The following ARHGAP26 variants were observed in gnomAD, a reference collection of about 807,000 sequenced individuals.
ARHGAP26 encodes the protein Rho GTPase activating protein 26.
A neutral mutation model predicts 104.8 loss-of-function variants in ARHGAP26; 38 were observed. The ratio of observed to expected loss-of-function variants is 0.36; its 90% confidence interval spans 0.28 to 0.48. The LOEUF is 0.48. ARHGAP26 is among the 20% of genes least tolerant of loss of function. The pLI, the probability that ARHGAP26 is intolerant of heterozygous loss-of-function variation, is 0.99. For missense variants in ARHGAP26, 704 were observed against 947.9 expected, an observed-to-expected ratio of 0.74 and a Z score of 3.38; for synonymous variants, 341 against 340.0, an observed-to-expected ratio of 1.00 and a Z score of -0.03.
rs1159971699 is a variant in ARHGAP26, at chr5:143,214,234, T to C, written c.2191+146T>C. ...AAAGTGTGTGTGCGTCTGTGTGTGT[T>C]GGTTTCTGTGTCTTTTCCCAAAATA... is the stretch of plus-strand genomic sequence containing the variant. On this transcript the variant is annotated intron_variant, in intron 22 of 22. Transcript: ENST00000645722. The C allele has an allele frequency of 1.4e-5, 8 of 568,470 alleles. No individual in the cohort carries two copies. The East Asian group carries it at 1.7e-4, about 12-fold the overall frequency. The allele number at this position is 568,470 out of a possible 1,614,324, so 35.2% of individuals were successfully genotyped here. A position where few individuals can be genotyped will look rare whatever the true frequency, so the allele number is the denominator to read the frequency against.
chr5:142,795,985 A>G (rs1231668970), intron 1 of ARHGAP26, among the ~76,000 whole-genome samples: 2 of 151,566 alleles, frequency 1.3e-5, no homozygotes, highest in Non-Finnish European at 2.9e-5. Flanking sequence ...TCTCTGCTCT[A>G]CTTTTTTCTA....
chr5:142,782,954 G>A (rs1757814819), intron 1 of ARHGAP26, among the ~76,000 whole-genome samples: 1 of 152,154 alleles, frequency 6.6e-6, no homozygotes, highest in South Asian at 2.1e-4. Flanking sequence ...AGGAAATGCT[G>A]ATGCATGAGC....
chr5:142,873,294 C>A, intron 1 of ARHGAP26, 106 bp from the exon 2 acceptor site: 1 of 749,150 alleles, frequency 1.3e-6, no homozygotes, highest in East Asian at 2.8e-5. Context: ...GACTCAGGAA[C>A]AAATCCGCCT....
chr5:142,867,240 C>T (rs532844986), intron 1 of ARHGAP26, among the ~76,000 whole-genome samples: 4 of 150,902 alleles, frequency 2.7e-5, no homozygotes, highest in East Asian at 3.9e-4. Flanking sequence ...GTCACGGAAA[C>T]GAGAAAAATG....
chr5:143,088,204 T>G (rs769556964), intron 17 of ARHGAP26, among the ~76,000 whole-genome samples: 3 of 152,230 alleles, frequency 2.0e-5, no homozygotes, highest in Non-Finnish European at 4.4e-5. Context: ...CAATTGCATA[T>G]TTCCTTTTAC....
chr5:142,853,642 C>A (rs994056876), intron 1 of ARHGAP26, among the ~76,000 whole-genome samples: 2 of 152,152 alleles, frequency 1.3e-5, no homozygotes, highest in African/African-American at 4.8e-5. Context: ...TGAATAATAT[C>A]TTTGAAAGCA....
intron 1 of ARHGAP26, among the ~76,000 whole-genome samples, chr5:142,789,748 C>A (rs993766823): frequency 6.6e-6 from 1 of 152,164 alleles, no homozygotes; most frequent in East Asian, 1.9e-4. Context: ...TTAGCAGACT[C>A]GAACACTTGG....
intron 17 of ARHGAP26, among the ~76,000 whole-genome samples, chr5:143,075,059 T>G (rs1788793378): frequency 6.6e-6 from 1 of 152,192 alleles, no homozygotes; most frequent in African/African-American, 2.4e-5. Flanking sequence ...CATTAGATAA[T>G]GGATAGCAAA....
At chr5:142,863,174 G>C (rs1399047026) in intron 1 of ARHGAP26, among the ~76,000 whole-genome samples, 4 of 150,572 alleles carry the variant, frequency 2.7e-5, no homozygotes, top group Non-Finnish European at 5.9e-5. Flanking sequence ...GCTATGGCAC[G>C]ATCTCGGCTC....
chr5:143,193,351 G>A (rs1316398676), intron 20 of ARHGAP26, among the ~76,000 whole-genome samples: 5 of 146,538 alleles, frequency 3.4e-5, no homozygotes, highest in Non-Finnish European at 5.9e-5. Flanking sequence ...AGGTTCAAGC[G>A]ATTCTCCTGC....
chr5:143,165,994 C>A, intron 20 of ARHGAP26: 2 of 1,302,536 alleles, frequency 1.5e-6, no homozygotes, highest in Non-Finnish European at 2.0e-6. Context: ...AAGTTACCTG[C>A]CGTAATTATG....
chr5:142,992,539 C>T (rs918395277), intron 11 of ARHGAP26, among the ~76,000 whole-genome samples: 7 of 151,154 alleles, frequency 4.6e-5, no homozygotes, highest in East Asian at 1.9e-4. Context: ...GTCATTCTCC[C>T]GCCTCAGCCT....
chr5:143,098,250 A>G (rs1277234645), intron 17 of ARHGAP26, among the ~76,000 whole-genome samples: 3 of 152,190 alleles, frequency 2.0e-5, no homozygotes, highest in East Asian at 1.9e-4. Flanking sequence ...TAATATTTAC[A>G]TTGGATAGCA....
chr5:143,207,503 C>T, intron 21 of ARHGAP26, 195 bp downstream of exon 21: 3 of 1,609,764 alleles, frequency 1.9e-6, no homozygotes, highest in South Asian at 2.2e-5. Flanking sequence ...CCAATCTGTT[C>T]CCGTTTATCC....
chr5:143,099,309 G>A (rs1562422145), intron 17 of ARHGAP26, among the ~76,000 whole-genome samples: 1 of 152,040 alleles, frequency 6.6e-6, no homozygotes, highest in Non-Finnish European at 1.5e-5. Flanking sequence ...GCCCTGGGCA[G>A]GTGGGGGGCA....
intron 17 of ARHGAP26, among the ~76,000 whole-genome samples, chr5:143,066,836 A>G (rs892177714): frequency 6.6e-6 from 1 of 152,182 alleles, no homozygotes; most frequent in Non-Finnish European, 1.5e-5. Flanking sequence ...GCAGAAGATG[A>G]GCCAGCACAG....
intron 17 of ARHGAP26, among the ~76,000 whole-genome samples, chr5:143,067,519 G>T (rs927667555): frequency 3.9e-5 from 6 of 152,222 alleles, no homozygotes; most frequent in African/African-American, 1.4e-4. Context: ...AGTTCAGGGG[G>T]TTTGAATTTT....
chr5:143,135,744 G>T (rs986739140), intron 19 of ARHGAP26, among the ~76,000 whole-genome samples: 1 of 152,126 alleles, frequency 6.6e-6, no homozygotes, highest in African/African-American at 2.4e-5. Flanking sequence ...CTTTTTTCAT[G>T]AACATTTCTT....
intron 18 of ARHGAP26, among the ~76,000 whole-genome samples, chr5:143,124,538 A>C (rs1348145940): frequency 1.3e-5 from 2 of 152,190 alleles, no homozygotes. Flanking sequence ...GGACTTTGGT[A>C]CTAGGTGTTG....
Sources: gnomAD v4.1 joint callset for allele counts (sites outside exome capture counted in the v4.1 genomes callset) on GRCh38, gnomAD v4.1.1 for gene constraint, MANE v1.5 for transcripts, NCBI Gene and HGNC (gene_info 2026-07-23, HGNC 2026-07-21) for gene names.